Variants in TP63 observed in about 807,000 individuals in gnomAD.
The protein encoded by TP63 is tumor protein 63.
A neutral mutation model predicts 82.8 loss-of-function variants in TP63; 17 were observed. That is an observed-to-expected ratio of 0.21 (90% CI 0.14 to 0.31). The LOEUF (loss-of-function observed/expected upper bound fraction) is 0.31. TP63 is among the 10% of genes least tolerant of loss of function. TP63 has a pLI of 1.00. For synonymous variants in TP63, 330 were observed against 321.7 expected (o/e 1.03, Z -0.28); for missense variants, 648 against 895.3 (o/e 0.72, Z 3.52).
At chr3:189,639,376 T>A (rs554539677) in intron 1 of TP63, among the ~76,000 whole-genome samples, 2 of 152,258 alleles carry the variant, frequency 1.3e-5, no homozygotes, top group East Asian at 3.9e-4. Context: ...CCATAATATT[T>A]GGGGGATAAC....
At position 189,808,514 on chromosome 3, in the gene TP63, G is replaced by A. The variant is rs373262255; in HGVS notation, c.567G>A (p.Ser189=). The A allele has an allele frequency of 1.8e-5, 29 of 1,613,970 alleles. No individual in the cohort carries two copies. The highest frequency in any genetic ancestry group is 2.7e-5 in the African/African-American group (2 of 75,020). ...VSFQQSSTAK[S]ATWTYSTELK... Reference sequence around the variant, plus strand: ...TCCAGCAGTCGAGCACCGCCAAGTCGGCCACCTGGACGGTAAGAGCAGCGG... The same window carrying A: ...TCCAGCAGTCGAGCACCGCCAAGTCAGCCACCTGGACGGTAAGAGCAGCGG... The change falls in exon 4 of 14, where the codon TCG becomes TCA. Residue 189 remains serine (S), a synonymous_variant. Coordinates refer to ENST00000264731, the MANE Select transcript of TP63 (RefSeq NM_003722.5).
chr3:189,741,447 C>T (rs1720979691), intron 3 of TP63, among the ~76,000 whole-genome samples: 2 of 151,356 alleles, frequency 1.3e-5, no homozygotes, highest in South Asian at 2.1e-4. Context: ...ACTGCTACAA[C>T]GGGTGTGAGA....
At chr3:189,699,324 A>G (rs1717627781) in intron 1 of TP63, among the ~76,000 whole-genome samples, 1 of 152,184 alleles carries the variant, frequency 6.6e-6, no homozygotes, top group Non-Finnish European at 1.5e-5. Context: ...ACTCAAAGTT[A>G]TTGCTCTTTA....
intron 3 of TP63, among the ~76,000 whole-genome samples, chr3:189,776,739 T>C (rs1202869540): frequency 6.6e-6 from 1 of 152,136 alleles, no homozygotes; most frequent in African/African-American, 2.4e-5. Context: ...ATCCAGCAAT[T>C]TAAAAAGGCA....
intron 1 of TP63, among the ~76,000 whole-genome samples, chr3:189,715,231 T>C (rs1183231545): frequency 6.6e-6 from 1 of 152,132 alleles, no homozygotes; most frequent in African/African-American, 2.4e-5. Context: ...ATTCTAGACC[T>C]CTTAGTCACC....
intron 4 of TP63, among the ~76,000 whole-genome samples, chr3:189,827,990 C>T (rs900954965): frequency 6.6e-6 from 1 of 152,084 alleles, no homozygotes; most frequent in Non-Finnish European, 1.5e-5. Context: ...CCTGTAATCC[C>T]AGCACTTTGG....
chr3:189,777,842 CTT>C (rs1259702230), intron 3 of TP63, among the ~76,000 whole-genome samples: 1 of 65,928 alleles, frequency 1.5e-5, no homozygotes, highest in African/African-American at 6.6e-5. Flanking sequence ...TCTTCTTCTT[CTT>C]CTTTTTTTTT....
At chr3:189,840,437 A>C (rs554330230) in intron 4 of TP63, among the ~76,000 whole-genome samples, 1 of 145,138 alleles carries the variant, frequency 6.9e-6, no homozygotes, top group Admixed American at 7.1e-5. Context: ...ACAGTATTAA[A>C]CACTTTGTTT....
At chr3:189,878,467 A>C (rs7631107) in intron 10 of TP63, among the ~76,000 whole-genome samples, 109,931 of 147,360 alleles carry the variant, frequency 0.75, 41,276 homozygotes, top group Middle Eastern at 0.89. Flanking sequence ...CGGCTCACTG[A>C]AACATTTGCC....
chr3:189,871,357 T>C (rs1560283692), intron 9 of TP63, among the ~76,000 whole-genome samples: 1 of 152,184 alleles, frequency 6.6e-6, no homozygotes, highest in South Asian at 2.1e-4. Context: ...CAAACAGTTA[T>C]AATGTAATAA....
intron 4 of TP63, among the ~76,000 whole-genome samples, chr3:189,852,000 G>C (rs989159777): frequency 6.6e-6 from 1 of 152,102 alleles, no homozygotes; most frequent in Admixed American, 6.5e-5. Flanking sequence ...GAGGAAAGGG[G>C]ACAGGATAAG....
intron 3 of TP63, among the ~76,000 whole-genome samples, chr3:189,767,387 A>G (rs1723033454): frequency 6.6e-6 from 1 of 152,172 alleles, no homozygotes; most frequent in African/African-American, 2.4e-5. Context: ...GAATTCATTG[A>G]AGGGGAAAAA....
At chr3:189,743,927 C>A (rs1385730515) in intron 3 of TP63, among the ~76,000 whole-genome samples, 2 of 152,104 alleles carry the variant, frequency 1.3e-5, no homozygotes, top group Non-Finnish European at 2.9e-5. Context: ...GGCCCTGAGA[C>A]TAACATAAGG....
At chr3:189,780,276 A>T (rs983897237) in intron 3 of TP63, among the ~76,000 whole-genome samples, 1 of 152,170 alleles carries the variant, frequency 6.6e-6, no homozygotes. Flanking sequence ...GCAATGCAGG[A>T]TACATATCCT....
chr3:189,649,901 C>T (rs9816277), intron 1 of TP63, among the ~76,000 whole-genome samples: 130,670 of 145,968 alleles, frequency 0.9, 61,641 homozygotes, highest in East Asian at 1. Flanking sequence ...TAATGATTAA[C>T]TTTTTTTCAA....
intron 3 of TP63, chr3:189,789,870 T>G (rs1196744807): frequency 2.0e-6 from 3 of 1,534,288 alleles, no homozygotes; most frequent in Non-Finnish European, 1.7e-6. Context: ...TAGCACTCCA[T>G]TTAGAGATGC....
chr3:189,675,076 G>GT (rs1197198878), intron 1 of TP63, among the ~76,000 whole-genome samples: 1 of 152,102 alleles, frequency 6.6e-6, no homozygotes, highest in Non-Finnish European at 1.5e-5. Context: ...GCACTAGCAC[G>GT]TTTGGTGTCC....
chr3:189,682,553 A>AATATATAT (rs1179179631), intron 1 of TP63, among the ~76,000 whole-genome samples: 8 of 10,360 alleles, frequency 7.7e-4, no homozygotes, highest in Admixed American at 3.4e-3. Context: ...AAAAAAAAAA[A>AATATATAT]ATATATATAT....
intron 1 of TP63, among the ~76,000 whole-genome samples, chr3:189,654,541 A>G (rs905050297): frequency 6.6e-6 from 1 of 152,208 alleles, no homozygotes; most frequent in Non-Finnish European, 1.5e-5. Flanking sequence ...TAATTTTAAG[A>G]AGTACTTTTC....
Sources: allele counts gnomAD v4.1 joint callset (sites outside exome capture counted in the v4.1 genomes callset), GRCh38; gene constraint gnomAD v4.1.1; transcripts MANE v1.5; gene names NCBI Gene and HGNC (gene_info 2026-07-23, HGNC 2026-07-21).